Variants in ST6GALNAC3 observed in about 807,000 individuals in gnomAD.
ST6GALNAC3 encodes the protein alpha-N-acetylgalactosaminide alpha-2,6-sialyltransferase 3.
Under a neutral mutation model 32.7 loss-of-function variants are expected in ST6GALNAC3, and 25 were observed. The ratio of observed to expected loss-of-function variants is 0.76; its 90% confidence interval spans 0.56 to 1.07. The LOEUF is 1.07. Ranked by LOEUF, ST6GALNAC3 falls within the 50% of genes least tolerant of loss-of-function variation. The pLI, the probability that ST6GALNAC3 is intolerant of heterozygous loss-of-function variation, is 0.00. For missense variants in ST6GALNAC3, 355 were observed against 382.4 expected (o/e 0.93, Z 0.60); for synonymous variants, 129 against 133.1 (o/e 0.97, Z 0.21).
chr1:76,520,854 A>G (rs1557521659), intron 3 of ST6GALNAC3, among the ~76,000 whole-genome samples: 2 of 152,310 alleles, frequency 1.3e-5, no homozygotes, highest in South Asian at 4.1e-4. Flanking sequence ...TTGTACACAC[A>G]TATAAATTTT....
At chr1:76,595,416 G>A (rs1331328760) in intron 3 of ST6GALNAC3, among the ~76,000 whole-genome samples, 3 of 152,066 alleles carry the variant, frequency 2.0e-5, no homozygotes, top group East Asian at 3.9e-4. Flanking sequence ...CCAAAGCTAT[G>A]CAGAGCCTTC....
intron 2 of ST6GALNAC3, among the ~76,000 whole-genome samples, chr1:76,324,372 G>T (rs1285244796): frequency 6.6e-6 from 1 of 152,132 alleles, no homozygotes; most frequent in Non-Finnish European, 1.5e-5. Context: ...TGGTGGAAAG[G>T]CTGACAAACA....
chr1:76,474,033 A>G (rs888426841), intron 3 of ST6GALNAC3, among the ~76,000 whole-genome samples: 3 of 152,170 alleles, frequency 2.0e-5, no homozygotes, highest in Non-Finnish European at 4.4e-5. Context: ...AGAAAGAGAT[A>G]GGGTGAGACA....
intron 1 of ST6GALNAC3, among the ~76,000 whole-genome samples, chr1:76,221,120 C>T (rs1655743202): frequency 6.6e-6 from 1 of 152,116 alleles, no homozygotes. Context: ...ACTGCTCCTA[C>T]TGGGAAGATA....
At chr1:76,537,375 A>C (rs898631104) in intron 3 of ST6GALNAC3, among the ~76,000 whole-genome samples, 2 of 152,218 alleles carry the variant, frequency 1.3e-5, no homozygotes, top group South Asian at 4.1e-4. Context: ...GAAAGCTAAA[A>C]AGATCTCAAA....
chr1:76,299,047 A>G (rs1275352958), intron 1 of ST6GALNAC3, among the ~76,000 whole-genome samples: 1 of 152,122 alleles, frequency 6.6e-6, no homozygotes, highest in Non-Finnish European at 1.5e-5. Flanking sequence ...CCATCTAAAA[A>G]TAAAATGCAT....
chr1:76,439,485 G>T (rs1482550242), intron 3 of ST6GALNAC3, among the ~76,000 whole-genome samples: 1 of 152,178 alleles, frequency 6.6e-6, no homozygotes, highest in African/African-American at 2.4e-5. Flanking sequence ...GGTTATTGCT[G>T]CAGGTTGAAG....
intron 3 of ST6GALNAC3, among the ~76,000 whole-genome samples, chr1:76,524,522 A>T (rs1172351694): frequency 6.6e-6 from 1 of 152,148 alleles, no homozygotes; most frequent in Non-Finnish European, 1.5e-5. Context: ...ATTCATGCTT[A>T]CCATAATACT....
chr1:76,444,952 A>G (rs1656869142), intron 3 of ST6GALNAC3, among the ~76,000 whole-genome samples: 1 of 152,212 alleles, frequency 6.6e-6, no homozygotes, highest in Non-Finnish European at 1.5e-5. Flanking sequence ...AATCAAAGGC[A>G]TATAAAAATG....
intron 3 of ST6GALNAC3, among the ~76,000 whole-genome samples, chr1:76,525,643 C>G (rs1662820672): frequency 6.6e-6 from 1 of 151,204 alleles, no homozygotes; most frequent in African/African-American, 2.4e-5. Context: ...AACTTCCCAA[C>G]CCTGTTTAAT....
chr1:76,357,130 C>CTTTTTTTTTTTTTTTTTTTTTTCT (rs55786044), intron 2 of ST6GALNAC3, among the ~76,000 whole-genome samples: 1 of 111,176 alleles, frequency 9.0e-6, no homozygotes, highest in Non-Finnish European at 1.7e-5. Context: ...TTTTCTTTTT[C>CTTTTTTTTTTTTTTTTTTTTTTCT]TTTTTTTTTT....
Position 76,566,914 on chromosome 1 carries a change from A to AT in ST6GALNAC3, c.624-60534dup, listed in dbSNP as rs533064388. Among the ~76,000 whole-genome samples, 9 of 152,180 alleles carry AT rather than the reference A, an allele frequency of 5.9e-5. No individual in the cohort carries two copies. The South Asian group carries it at 1.9e-3, about 32-fold the overall frequency. On this transcript the variant is annotated intron_variant, in intron 3 of 4. Transcript: ENST00000328299. ...TCCCAGTTCTCTTGGAAGTTTCTCC[A>AT]TTTTACCATTGAAAATTCCACATCC... is the stretch of plus-strand genomic sequence containing the variant.
At chr1:76,486,864 C>T (rs993553422) in intron 3 of ST6GALNAC3, among the ~76,000 whole-genome samples, 7 of 152,090 alleles carry the variant, frequency 4.6e-5, no homozygotes, top group Non-Finnish European at 7.4e-5. Context: ...TGGCTCGTAC[C>T]GGTTGTTCCT....
rs1660088085 is a variant in ST6GALNAC3, at chr1:76,486,028, G to C, written c.623+73611G>C. ...GGTTGTTCAGTTTCCATGTAGTTGA[G>C]CAGTTTTGAGTGAGTTTCTTAATCC... On this transcript the variant is annotated intron_variant, in intron 3 of 4. Transcript: ENST00000328299. 2.0e-5 allele frequency among the ~76,000 whole-genome samples: 3 copies of C among 152,202 alleles called. No individual in the cohort carries two copies. The South Asian group carries it at 6.2e-4, about 32-fold the overall frequency.
intron 3 of ST6GALNAC3, among the ~76,000 whole-genome samples, chr1:76,508,298 C>T (rs1661606064): frequency 6.6e-6 from 1 of 152,170 alleles, no homozygotes; most frequent in Non-Finnish European, 1.5e-5. Flanking sequence ...GGAGATGGAA[C>T]TCAGGCAGTA....
chr1:76,369,157 C>T (rs1570989284), intron 2 of ST6GALNAC3, among the ~76,000 whole-genome samples: 1 of 152,120 alleles, frequency 6.6e-6, no homozygotes, highest in Non-Finnish European at 1.5e-5. Context: ...TCCACCAAGA[C>T]TAATGCTTTG....
At chr1:76,204,455 T>A (rs1654708342) in intron 1 of ST6GALNAC3, among the ~76,000 whole-genome samples, 1 of 152,210 alleles carries the variant, frequency 6.6e-6, no homozygotes. Flanking sequence ...ATTTAGTCTC[T>A]GATGATCTGT....
At chr1:76,196,130 C>G (rs1654190173) in intron 1 of ST6GALNAC3, among the ~76,000 whole-genome samples, 1 of 152,156 alleles carries the variant, frequency 6.6e-6, no homozygotes, top group African/African-American at 2.4e-5. Context: ...GCTTGGCACA[C>G]AGTAGGTCCT....
At chr1:76,338,583 TA>T (rs1647696426) in intron 2 of ST6GALNAC3, among the ~76,000 whole-genome samples, 1 of 152,156 alleles carries the variant, frequency 6.6e-6, no homozygotes, top group African/African-American at 2.4e-5. Flanking sequence ...ATGGGATATT[TA>T]TAGATGTCTG....
Sources: gnomAD v4.1 joint callset for allele counts (sites outside exome capture counted in the v4.1 genomes callset) on GRCh38, gnomAD v4.1.1 for gene constraint, MANE v1.5 for transcripts, NCBI Gene and HGNC (gene_info 2026-07-23, HGNC 2026-07-21) for gene names.